The following GRIN3A variants were observed in gnomAD, a reference collection of about 807,000 sequenced individuals.
The protein encoded by GRIN3A is glutamate ionotropic receptor NMDA type subunit 3A, also known as glutamate receptor ionotropic, NMDA 3A.
GRIN3A carries 47 observed loss-of-function variants against 92.4 expected under a neutral mutation model. That is an observed-to-expected ratio of 0.51 (90% CI 0.40 to 0.65). The LOEUF is 0.65. Among genes scored for constraint, GRIN3A ranks in the 30% least tolerant of loss-of-function variants. GRIN3A has a pLI of 0.00. For synonymous variants in GRIN3A, 527 were observed against 540.6 expected (o/e 0.97, Z 0.35); for missense variants, 1,324 against 1,393.1 (o/e 0.95, Z 0.79).
At chr9:101,592,259 G>A (rs1828039261) in intron 6 of GRIN3A, 1 of 152,226 alleles carries the variant, frequency 6.6e-6, no homozygotes. Flanking sequence ...TAATTTTAGA[G>A]TGGGTGTAGC....
At chr9:101,724,659 G>A (rs978185808) in intron 1 of GRIN3A, among the ~76,000 whole-genome samples, 1 of 152,218 alleles carries the variant, frequency 6.6e-6, no homozygotes, top group African/African-American at 2.4e-5. Context: ...AGGACTGCCA[G>A]CACGCTGTCA....
rs1295368596 is a variant in GRIN3A at position 101,738,355 on chromosome 9, T to A, written c.-376A>T. 1 of 286,978 alleles carries A rather than the reference T, an allele frequency of 3.5e-6. No homozygotes were observed. Among genetic ancestry groups the A allele is most frequent in the Non-Finnish European group, 6.5e-6 (1 of 153,072 alleles). 17.8% of individuals were successfully genotyped at this position (286,978 alleles called of 1,614,324 possible). On this transcript the variant is annotated 5_prime_UTR_variant, in exon 1 of 9. Transcript: ENST00000361820. ...GGCCGGGATGAGAAGCAGCCGGAGT[T>A]CCTCGGGGGCAGCAGTGACAGAGGA... is the stretch of plus-strand genomic sequence containing the variant.
chr9:101,718,239 A>G (rs1829971222), intron 1 of GRIN3A, among the ~76,000 whole-genome samples: 1 of 152,244 alleles, frequency 6.6e-6, no homozygotes, highest in African/African-American at 2.4e-5. Flanking sequence ...TTAACAAATA[A>G]TTACATAACT....
intron 1 of GRIN3A, among the ~76,000 whole-genome samples, chr9:101,722,192 GGTGGAAGCCCC>G (rs932532998): frequency 2.0e-5 from 3 of 152,260 alleles, no homozygotes; most frequent in African/African-American, 7.2e-5. Context: ...GGCTTCAGAG[GGTGGAAGCCCC>G]AAGCCTTAGC....
chr9:101,720,947 C>T (rs1830004964), intron 1 of GRIN3A, among the ~76,000 whole-genome samples: 1 of 152,120 alleles, frequency 6.6e-6, no homozygotes, highest in African/African-American at 2.4e-5. Flanking sequence ...ACTCCTGTGA[C>T]ACAAGTTTAC....
At chr9:101,727,870 A>G (rs896677182) in intron 1 of GRIN3A, among the ~76,000 whole-genome samples, 3 of 149,280 alleles carry the variant, frequency 2.0e-5, no homozygotes, top group Non-Finnish European at 4.4e-5. Context: ...GTGAAGGCAC[A>G]CTAGATAAAT....
chr9:101,732,111 T>C (rs1441442437), intron 1 of GRIN3A, among the ~76,000 whole-genome samples: 1 of 152,208 alleles, frequency 6.6e-6, no homozygotes, highest in Non-Finnish European at 1.5e-5. Context: ...GAGCAATACT[T>C]TCCTAAGAGA....
chr9:101,623,340 C>T lies in GRIN3A; in HGVS notation c.2592G>A (p.Val864=), dbSNP rs1828583057. 6.2e-7 allele frequency: 1 copy of T among 1,612,262 alleles called. No homozygotes were observed. Among genetic ancestry groups the T allele is most frequent in the Non-Finnish European group, 8.5e-7 (1 of 1,178,448 alleles). Residue 864 remains valine, a synonymous_variant, in exon 5 of 9, where the codon GTG becomes GTA. Coordinates refer to ENST00000361820, the MANE Select transcript of GRIN3A (RefSeq NM_133445.3). ...SIDADCKLLT[V]GKPFAIEGYG... is the part of the protein sequence containing the mutation. ...TACCTTCTATGGCAAATGGCTTCCC[C>T]ACAGTGAGAAGTTTGCAGTCAGCAT...
intron 3 of GRIN3A, among the ~76,000 whole-genome samples, chr9:101,665,181 T>G (rs1243836715): frequency 6.6e-6 from 1 of 151,914 alleles, no homozygotes; most frequent in East Asian, 1.9e-4. Context: ...TAGATAGAAC[T>G]TTGGGGAGTT....
chr9:101,697,013 C>T (rs1172947821), intron 1 of GRIN3A, among the ~76,000 whole-genome samples: 3 of 152,080 alleles, frequency 2.0e-5, no homozygotes, highest in African/African-American at 4.8e-5. Flanking sequence ...ATTGGTTTAT[C>T]ACTTCAGAAT....
chr9:101,737,503 G>C lies in GRIN3A; in HGVS notation c.477C>G (p.Gly159=), dbSNP rs1830225573. 1 of 1,614,210 alleles carries C rather than the reference G, an allele frequency of 6.2e-7. No homozygotes were observed. Among genetic ancestry groups the C allele is most frequent in the South Asian group, 1.1e-5 (1 of 91,090 alleles). The change falls in exon 1 of 9, where the codon GGC becomes GGG. Residue 159 remains glycine (G), a synonymous_variant. Coordinates refer to ENST00000361820, the MANE Select transcript of GRIN3A (RefSeq NM_133445.3). ...EVVMAIEAGL[G]DLPLLPFSSP... ...AGGAGAAGGGCAAAAGTGGCAGATC[G>C]CCCAGGCCTGCCTCGATGGCCATCA...
chr9:101,725,609 A>T (rs577370949), intron 1 of GRIN3A, among the ~76,000 whole-genome samples: 1 of 152,372 alleles, frequency 6.6e-6, no homozygotes, highest in Admixed American at 6.5e-5. Flanking sequence ...AGATAAATTC[A>T]GTAGTTGACA....
chr9:101,635,887 ATTTG>A (rs971047937), intron 3 of GRIN3A, among the ~76,000 whole-genome samples: 10 of 152,156 alleles, frequency 6.6e-5, no homozygotes, highest in Non-Finnish European at 1.2e-4. Context: ...CACTTTATTT[ATTTG>A]TTTGTTTATT....
At chr9:101,579,048 G>C in intron 7 of GRIN3A, 148 bp downstream of exon 7, 1 of 775,286 alleles carries the variant, frequency 1.3e-6, no homozygotes, top group Non-Finnish European at 2.2e-6. Context: ...GGGATAGAGA[G>C]AATTCCTTCT....
chr9:101,649,261 G>T (rs942244680), intron 3 of GRIN3A, among the ~76,000 whole-genome samples: 11 of 150,452 alleles, frequency 7.3e-5, no homozygotes, highest in Non-Finnish European at 1.6e-4. Flanking sequence ...AATCTGGCTA[G>T]GGTTTGGGCC....
intron 1 of GRIN3A, among the ~76,000 whole-genome samples, chr9:101,727,973 C>G (rs1830098904): frequency 2.6e-5 from 4 of 151,598 alleles, no homozygotes; most frequent in Admixed American, 2.6e-4. Flanking sequence ...ATTAACTCCT[C>G]CTGTATCAGC....
intron 4 of GRIN3A, among the ~76,000 whole-genome samples, chr9:101,624,825 G>C (rs534980858): frequency 2.6e-5 from 4 of 152,302 alleles, no homozygotes; most frequent in African/African-American, 9.6e-5. Flanking sequence ...GGTTGGACTA[G>C]TAATGCAAAT....
intron 2 of GRIN3A, 44 bp from the exon 3 acceptor site, chr9:101,671,151 G>C (rs201498755): frequency 1.9e-5 from 25 of 1,310,018 alleles, no homozygotes; most frequent in African/African-American, 1.3e-4. Context: ...AAGCAGTGAG[G>C]CCTAAGATAG....
At chr9:101,670,015 A>G (rs1829295657) in intron 3 of GRIN3A, 45 bp downstream of exon 3, 3 of 1,362,728 alleles carry the variant, frequency 2.2e-6, no homozygotes, top group Non-Finnish European at 3.1e-6. Context: ...AACATACGGA[A>G]TTATAATGGA....
Sources: allele counts gnomAD v4.1 joint callset (sites outside exome capture counted in the v4.1 genomes callset), GRCh38; gene constraint gnomAD v4.1.1; transcripts MANE v1.5; gene names NCBI Gene and HGNC (gene_info 2026-07-23, HGNC 2026-07-21).